Variants in CCDC15 observed in about 807,000 individuals in gnomAD.
CCDC15 encodes coiled-coil domain containing 15, also known as coiled-coil domain-containing protein 15.
CCDC15 carries 105 observed loss-of-function variants against 114.5 expected under a neutral mutation model. The observed-to-expected ratio is 0.92, with a 90% CI of 0.78 to 1.08. CCDC15 has a LOEUF of 1.08. CCDC15 is among the 50% of genes least tolerant of loss of function. The pLI is 0.00. For missense variants in CCDC15, 1,105 were observed against 1,093.6 expected (o/e 1.01, Z -0.15); for synonymous variants, 334 against 377.8 (o/e 0.88, Z 1.34).
intron 13 of CCDC15, among the ~76,000 whole-genome samples, chr11:125,027,698 C>A (rs1948713459): frequency 6.6e-6 from 1 of 151,752 alleles, no homozygotes; most frequent in Admixed American, 6.6e-5. Flanking sequence ...GTTTGCTCTG[C>A]TGATTATTTC....
chr11:124,998,737 CTTT>C (rs35263582), intron 11 of CCDC15, among the ~76,000 whole-genome samples: 10 of 129,912 alleles, frequency 7.7e-5, no homozygotes, highest in African/African-American at 6.0e-5. Flanking sequence ...AGAGTCTCTA[CTTT>C]TTTTTTTTTT....
At chr11:124,967,495 T>A (rs1947805051) in intron 4 of CCDC15, among the ~76,000 whole-genome samples, 1 of 152,214 alleles carries the variant, frequency 6.6e-6, no homozygotes, top group African/African-American at 2.4e-5. Context: ...TCATTTAAGA[T>A]CTTCTCTACA....
chr11:124,999,273 T>A (rs941774042), intron 11 of CCDC15, among the ~76,000 whole-genome samples: 1 of 152,198 alleles, frequency 6.6e-6, no homozygotes, highest in African/African-American at 2.4e-5. Context: ...ATCTCAGGTA[T>A]GATGAACATT....
chr11:124,984,874 A>G (rs934590156), intron 6 of CCDC15, among the ~76,000 whole-genome samples: 1 of 152,064 alleles, frequency 6.6e-6, no homozygotes, highest in Non-Finnish European at 1.5e-5. Flanking sequence ...GAGATCTGCT[A>G]AGAGTGTACC....
At chr11:125,021,952 T>C (rs1036645564) in intron 13 of CCDC15, among the ~76,000 whole-genome samples, 13 of 151,896 alleles carry the variant, frequency 8.6e-5, no homozygotes, top group Non-Finnish European at 1.5e-4. Context: ...TATCATTTAC[T>C]TTTTTTACAA....
intron 5 of CCDC15, among the ~76,000 whole-genome samples, chr11:124,975,855 T>C (rs2135459929): frequency 6.6e-6 from 1 of 151,556 alleles, no homozygotes; most frequent in East Asian, 1.9e-4. Context: ...CAGGAAAAAA[T>C]TGAAACTATT....
chr11:124,987,246 A>C lies in CCDC15; in HGVS notation c.1020A>C (p.Gln340His). Reference sequence around the variant, plus strand: ...CCCAGGATTATTTTCTAGAAGCCCAAGGTGATTTGCTGGAAACCCAGGGTG... The same window carrying C: ...CCCAGGATTATTTTCTAGAAGCCCACGGTGATTTGCTGGAAACCCAGGGTG... ...PEAQDYFLEA[Q>H]GDLLETQGDL... is the part of the protein sequence containing the mutation. The change falls in exon 8 of 16, where the codon CAA becomes CAC. Residue 340 changes from glutamine (Q) to histidine (H), a missense_variant. Coordinates refer to ENST00000344762, the MANE Select transcript of CCDC15 (RefSeq NM_025004.3). 6.4e-7 allele frequency: 1 copy of C among 1,570,764 alleles called. No homozygotes were observed. The highest frequency in any genetic ancestry group is 8.6e-7 in the Non-Finnish European group (1 of 1,163,902).
intron 11 of CCDC15, among the ~76,000 whole-genome samples, chr11:125,002,023 G>A (rs1357503074): frequency 6.6e-6 from 1 of 151,972 alleles, no homozygotes; most frequent in Non-Finnish European, 1.5e-5. Flanking sequence ...TCCCACCAGC[G>A]GTATATGAGG....
At chr11:124,994,008 A>G (rs1948316420) in intron 11 of CCDC15, among the ~76,000 whole-genome samples, 1 of 152,240 alleles carries the variant, frequency 6.6e-6, no homozygotes, top group African/African-American at 2.4e-5. Context: ...GACAAGAAGT[A>G]TAATGTCTGC....
chr11:124,962,234 A>G (rs969896581), intron 4 of CCDC15, among the ~76,000 whole-genome samples: 31 of 152,302 alleles, frequency 2.0e-4, no homozygotes, highest in African/African-American at 6.7e-4. Flanking sequence ...CCCTTAGTTT[A>G]TCTAGAACTG....
chr11:125,036,783 G>C (rs1325310241), intron 13 of CCDC15, among the ~76,000 whole-genome samples: 7 of 151,824 alleles, frequency 4.6e-5, no homozygotes, highest in African/African-American at 9.7e-5. Flanking sequence ...TAGTATTTCA[G>C]TTGCAGTTTT....
At chr11:125,021,417 A>G (rs982312114) in intron 13 of CCDC15, among the ~76,000 whole-genome samples, 9 of 151,836 alleles carry the variant, frequency 5.9e-5, no homozygotes, top group Non-Finnish European at 1.0e-4. Flanking sequence ...CCCCCAATAT[A>G]ATTTTAATAC....
At chr11:124,954,951 ACCCTTTT>A in intron 2 of CCDC15, 42 bp downstream of exon 2, 4 of 1,578,552 alleles carry the variant, frequency 2.5e-6, no homozygotes, top group Non-Finnish European at 3.5e-6. Context: ...GTTCCCCACC[ACCCTTTT>A]TATTAGCCTT....
At chr11:124,974,879 G>A (rs990877034) in intron 4 of CCDC15, among the ~76,000 whole-genome samples, 17 of 152,160 alleles carry the variant, frequency 1.1e-4, no homozygotes, top group Admixed American at 6.5e-4. Context: ...TTGAGTAACC[G>A]CCCTTAAACC....
chr11:125,009,526 CA>C lies in CCDC15; in HGVS notation c.2411+4315del, dbSNP rs113433232. On this transcript the variant is annotated intron_variant, in intron 13 of 15. Coordinates refer to ENST00000344762, the MANE Select transcript of CCDC15 (RefSeq NM_025004.3). ...ATAATTTCAACTTCTATTTTAGATT[CA>C]GGGGGTACAGGTGCAAGTTTGTTAC... Among the ~76,000 whole-genome samples the C allele has an allele frequency of 2.9e-4, 44 of 152,084 alleles. 1 individual carries two copies. Among genetic ancestry groups the C allele is most frequent in the African/African-American group, 1.0e-3 (42 of 41,474 alleles).
At position 124,992,607 on chromosome 11, in the gene CCDC15, AGAGT is replaced by A; in HGVS notation, c.2063_2066del (p.Val688GlufsTer59). ...ACCTGCATCTTTTATGAGAGAAGAA[AGAGT>A]GAGAGAAGAATTGCCTCTGGACTAT... On this transcript the variant is annotated frameshift_variant, in exon 10 of 16. Transcript: ENST00000344762. LOFTEE classifies it high-confidence loss of function. 1 of 1,599,350 alleles carries A rather than the reference AGAGT, an allele frequency of 6.3e-7. No homozygotes were observed. Among genetic ancestry groups the A allele is most frequent in the Non-Finnish European group, 8.5e-7 (1 of 1,172,228 alleles).
chr11:124,955,613 G>A (rs1947535105), intron 2 of CCDC15, among the ~76,000 whole-genome samples: 1 of 152,088 alleles, frequency 6.6e-6, no homozygotes, highest in South Asian at 2.1e-4. Flanking sequence ...AATCAATATA[G>A]ACACTCATGA....
chr11:124,995,531 A>C (rs995704179), intron 11 of CCDC15, among the ~76,000 whole-genome samples: 2 of 152,190 alleles, frequency 1.3e-5, no homozygotes, highest in Non-Finnish European at 2.9e-5. Flanking sequence ...TGATCAGTCA[A>C]ACATCTATTG....
At chr11:125,034,310 G>T (rs1335146939) in intron 13 of CCDC15, among the ~76,000 whole-genome samples, 4 of 152,122 alleles carry the variant, frequency 2.6e-5, no homozygotes, top group Non-Finnish European at 5.9e-5. Context: ...CAGTTGCAAG[G>T]TCCCATTCTT....
Sources: allele counts gnomAD v4.1 joint callset (sites outside exome capture counted in the v4.1 genomes callset), GRCh38; gene constraint gnomAD v4.1.1; transcripts MANE v1.5; gene names NCBI Gene and HGNC (gene_info 2026-07-23, HGNC 2026-07-21).